HOMER1: variants seen among roughly 807,000 people sequenced by gnomAD.
HOMER1 encodes homer protein homolog 1.
Under a neutral mutation model 48.9 loss-of-function variants are expected in HOMER1, and 3 were observed. The observed-to-expected ratio is 0.06, with a 90% CI of 0.03 to 0.16. The LOEUF is 0.16. HOMER1 is among the 10% of genes least tolerant of loss of function. The pLI, the probability that HOMER1 is intolerant of heterozygous loss-of-function variation, is 1.00. For missense variants in HOMER1, 247 were observed against 411.4 expected (o/e 0.60, Z 3.46); for synonymous variants, 134 against 146.4 (o/e 0.92, Z 0.61).
intron 8 of HOMER1, among the ~76,000 whole-genome samples, chr5:79,390,607 G>T (rs537947698): frequency 1.3e-5 from 2 of 152,026 alleles, no homozygotes; most frequent in African/African-American, 4.8e-5. Context: ...TTTCAGTTGG[G>T]TCACAAAGCA....
At chr5:79,379,352 TTATA>T (rs1289880488) in intron 8 of HOMER1, among the ~76,000 whole-genome samples, 4 of 104,444 alleles carry the variant, frequency 3.8e-5, no homozygotes, top group Non-Finnish European at 7.2e-5. Flanking sequence ...ATTTTATATA[TTATA>T]TAAATATTTA....
rs73773707 is a variant in HOMER1 at position 79,447,232 on chromosome 5, A to T, written c.295-87T>A. 38 of 772,494 alleles carry T rather than the reference A, an allele frequency of 4.9e-5. No individual in the cohort carries two copies. The African/African-American group carries it at 5.3e-4, about 11-fold the overall frequency. 47.9% of individuals were successfully genotyped at this position (772,494 alleles called of 1,614,324 possible). On this transcript the variant is annotated intron_variant, in intron 3 of 8. Transcript: ENST00000334082. ...CCTTAGTAAAGTTATTCATTTTCTG[A>T]ATAACTGACTCTACACAAGCAATAT...
chr5:79,408,891 T>C (rs546336882), intron 5 of HOMER1, among the ~76,000 whole-genome samples: 2 of 151,780 alleles, frequency 1.3e-5, no homozygotes, highest in Non-Finnish European at 2.9e-5. Context: ...GAGAACAGAA[T>C]GGCCAACATG....
chr5:79,475,952 T>A (rs1358785209), intron 1 of HOMER1, among the ~76,000 whole-genome samples: 1 of 152,160 alleles, frequency 6.6e-6, no homozygotes, highest in African/African-American at 2.4e-5. Flanking sequence ...CCACTGTCAA[T>A]AAAATTCAGT....
intron 8 of HOMER1, among the ~76,000 whole-genome samples, chr5:79,379,114 A>ATATATATATATAT (rs70975748): frequency 3.6e-5 from 3 of 82,286 alleles, no homozygotes; most frequent in African/African-American, 1.6e-4. Context: ...ATATATATAT[A>ATATATATATATAT]AAATATATAA....
intron 1 of HOMER1, among the ~76,000 whole-genome samples, chr5:79,459,731 T>C (rs1412228639): frequency 4.6e-5 from 7 of 152,218 alleles, no homozygotes. Flanking sequence ...ATGGATATGT[T>C]AAAAACAAAA....
Position 79,462,365 on chromosome 5 carries a change from C to T in HOMER1, c.6-5347G>A, listed in dbSNP as rs115992727. Among the ~76,000 whole-genome samples the T allele has an allele frequency of 8.4e-3, 1,273 of 152,162 alleles. 15 individuals carry two copies. The highest frequency in any genetic ancestry group is 0.027 in the African/African-American group (1,128 of 41,536). On this transcript the variant is annotated intron_variant, in intron 1 of 8. Coordinates refer to ENST00000334082, the MANE Select transcript of HOMER1 (RefSeq NM_004272.5). ...GAGTATTTTTCTGTTGATTCATAAACGAATTCTAGGAAATTGGTGTAACAA... is the reference window on the plus strand; with the variant it reads ...GAGTATTTTTCTGTTGATTCATAAATGAATTCTAGGAAATTGGTGTAACAA...
chr5:79,498,126 T>C (rs1752477895), intron 1 of HOMER1, among the ~76,000 whole-genome samples: 1 of 152,158 alleles, frequency 6.6e-6, no homozygotes, highest in African/African-American at 2.4e-5. Context: ...CCAGGCCAAG[T>C]GCAGTGGCTC....
In HOMER1 at chr5:79,492,951, C is replaced by T. The variant is rs561555204; in HGVS notation, c.5+19819G>A. On this transcript the variant is annotated intron_variant, in intron 1 of 8. Coordinates refer to ENST00000334082, the MANE Select transcript of HOMER1 (RefSeq NM_004272.5). Reference sequence around the variant, plus strand: ...TTTTTTTTTTAAAGACAGAGTCTCACTCTGTTGCCCAGGCTGGAGTGCAGT... The same window carrying T: ...TTTTTTTTTTAAAGACAGAGTCTCATTCTGTTGCCCAGGCTGGAGTGCAGT... Among the ~76,000 whole-genome samples, 640 of 119,934 alleles carry T rather than the reference C, an allele frequency of 5.3e-3. 8 individuals are homozygous for T. The highest frequency in any genetic ancestry group is 0.017 in the African/African-American group (538 of 31,342). 78.7% of individuals were successfully genotyped at this position (119,934 alleles called of 152,430 possible).
At chr5:79,475,343 A>G (rs548883618) in intron 1 of HOMER1, among the ~76,000 whole-genome samples, 1 of 151,506 alleles carries the variant, frequency 6.6e-6, no homozygotes, top group South Asian at 2.1e-4. Context: ...TTATCATCTA[A>G]ACCTGACAGT....
chr5:79,450,734 C>A (rs1388044321), intron 3 of HOMER1, among the ~76,000 whole-genome samples: 2 of 152,186 alleles, frequency 1.3e-5, no homozygotes, highest in East Asian at 1.9e-4. Flanking sequence ...ATAATCCCCA[C>A]CTTTTAATTC....
intron 5 of HOMER1, among the ~76,000 whole-genome samples, chr5:79,408,797 T>TG (rs1749737036): frequency 7.7e-6 from 1 of 130,188 alleles, no homozygotes; most frequent in Non-Finnish European, 1.9e-5. Context: ...ATTTAAAAAT[T>TG]GAAGAGGCCA....
intron 1 of HOMER1, among the ~76,000 whole-genome samples, chr5:79,505,817 G>C (rs1752750325): frequency 6.6e-6 from 1 of 151,876 alleles, no homozygotes; most frequent in Non-Finnish European, 1.5e-5. Flanking sequence ...ATGACTTTTT[G>C]CCTTCCTTTA....
At chr5:79,502,159 A>T (rs1752611748) in intron 1 of HOMER1, among the ~76,000 whole-genome samples, 1 of 151,434 alleles carries the variant, frequency 6.6e-6, no homozygotes, top group Non-Finnish European at 1.5e-5. Context: ...AGCTGGGATT[A>T]CAAGTGCACA....
At chr5:79,492,907 CTTTTTTTTTTTTTTTTT>C (rs558428061) in intron 1 of HOMER1, among the ~76,000 whole-genome samples, 2 of 84,030 alleles carry the variant, frequency 2.4e-5, no homozygotes, top group Admixed American at 1.7e-4. Flanking sequence ...AAAACTTTGT[CTTTTTTTTTTTTTTTTT>C]TTTTTTTTTT....
chr5:79,466,783 A>C (rs1751476636), intron 1 of HOMER1, among the ~76,000 whole-genome samples: 1 of 152,034 alleles, frequency 6.6e-6, no homozygotes, highest in Non-Finnish European at 1.5e-5. Context: ...CCCAATAGAC[A>C]TCCAGTTCTT....
chr5:79,461,359 A>G (rs1301712889), intron 1 of HOMER1, among the ~76,000 whole-genome samples: 1 of 152,196 alleles, frequency 6.6e-6, no homozygotes, highest in Non-Finnish European at 1.5e-5. Context: ...AAACTCATAA[A>G]TAAAGGTTAG....
At chr5:79,389,249 G>A (rs1471412233) in intron 8 of HOMER1, among the ~76,000 whole-genome samples, 6 of 151,626 alleles carry the variant, frequency 4.0e-5, no homozygotes, top group South Asian at 4.2e-4. Context: ...CCAAGCTCTC[G>A]CCCCAATACT....
At chr5:79,376,943 T>C (rs1234822405) in intron 8 of HOMER1, among the ~76,000 whole-genome samples, 1 of 152,166 alleles carries the variant, frequency 6.6e-6, no homozygotes, top group African/African-American at 2.4e-5. Flanking sequence ...TATTTAGCAG[T>C]TATTACTGCT....
Sources: gnomAD v4.1 joint callset for allele counts (sites outside exome capture counted in the v4.1 genomes callset) on GRCh38, gnomAD v4.1.1 for gene constraint, MANE v1.5 for transcripts, NCBI Gene and HGNC (gene_info 2026-07-23, HGNC 2026-07-21) for gene names.